HEATR4: variants seen among roughly 807,000 people sequenced by gnomAD.
HEATR4 encodes HEAT repeat containing 4, also known as HEAT repeat-containing protein 4.
In HEATR4, 95 loss-of-function variants were observed where a neutral mutation model predicts 108.8. The ratio of observed to expected loss-of-function variants is 0.87; its 90% confidence interval spans 0.74 to 1.04. The LOEUF is 1.04. Ranked by LOEUF, HEATR4 falls within the 50% of genes least tolerant of loss-of-function variation. The probability of loss-of-function intolerance (pLI) is 0.00; values close to 1 mark genes in which losing one functional copy is unlikely to be tolerated. For missense variants in HEATR4, 1,152 were observed against 1,253.8 expected, an observed-to-expected ratio of 0.92 and a Z score of 1.23; for synonymous variants, 443 against 459.4, an observed-to-expected ratio of 0.96 and a Z score of 0.46.
chr14:73,570,180 A>G, the HEATR4 span, among the ~76,000 whole-genome samples: 1 of 150,866 alleles, frequency 6.6e-6, no homozygotes, highest in Non-Finnish European at 1.5e-5. Flanking sequence ...TCCGGAGGTT[A>G]GTGTAAAGAA....
rs532827399 is a variant in HEATR4 at position 73,503,390 on chromosome 14, G to T, written c.1987-377C>A. Among the ~76,000 whole-genome samples the T allele has an allele frequency of 5.9e-5, 9 of 152,304 alleles. No individual in the cohort carries two copies. In the South Asian group the frequency reaches 1.9e-3, roughly 32 times the overall value. On this transcript the variant is annotated intron_variant, in intron 10 of 17. Transcript: ENST00000553558. The stretch of plus-strand genomic sequence containing the variant: ...GACTAGCTCATTGCAGTTTGCCTGG[G>T]ACTCTCCTGGTTTTGGTCCTGAAAG...
At chr14:73,504,576 G>A (rs1886690615) in intron 10 of HEATR4, among the ~76,000 whole-genome samples, 1 of 152,170 alleles carries the variant, frequency 6.6e-6, no homozygotes, top group Middle Eastern at 3.4e-3. Context: ...CCTAGGTGAC[G>A]CCTGTGCTGC....
chr14:73,601,767 A>G, the HEATR4 span, among the ~76,000 whole-genome samples: 121,257 of 152,064 alleles, frequency 0.8, 49,073 homozygotes, highest in East Asian at 0.95. Flanking sequence ...AATACCAGTT[A>G]TTTCTCTAAT....
In HEATR4 at chr14:73,557,037, C is replaced by A. The variant is rs1174800126; in HGVS notation, c.-152+1714G>T. Among the ~76,000 whole-genome samples, 3 of 113,850 alleles carry A rather than the reference C, an allele frequency of 2.6e-5. 1 individual carries two copies. In the Admixed American group the frequency reaches 3.0e-4, roughly 11 times the overall value. The allele number at this position is 113,850 out of a possible 152,430, so 74.7% of individuals were successfully genotyped here. A position where few individuals can be genotyped will look rare whatever the true frequency, so the allele number is the denominator to read the frequency against. On this transcript the variant is annotated intron_variant, in intron 1 of 17. Coordinates refer to ENST00000553558, the MANE Select transcript of HEATR4 (RefSeq NM_001220484.1). ...GCAGCACCCCACTCCCAACAAATAGCCCTCTAGAACCAAAAGCAGAGTGGC... is the reference window on the plus strand; with the variant it reads ...GCAGCACCCCACTCCCAACAAATAGACCTCTAGAACCAAAAGCAGAGTGGC...
At chr14:73,578,329 A>C in the HEATR4 span, among the ~76,000 whole-genome samples, 1 of 149,716 alleles carries the variant, frequency 6.7e-6, no homozygotes. Context: ...TCCAAGACTC[A>C]AGTGATCCTC....
At chr14:73,598,300 G>A in the HEATR4 span, among the ~76,000 whole-genome samples, 1 of 149,790 alleles carries the variant, frequency 6.7e-6, no homozygotes, top group Non-Finnish European at 1.5e-5. Context: ...CGAGGCAGGA[G>A]AATGGTGTGA....
chr14:73,579,091 GA>G, the HEATR4 span, among the ~76,000 whole-genome samples: 5,161 of 94,086 alleles, frequency 0.055, 166 homozygotes, highest in African/African-American at 0.12. Context: ...TCAAAAAAAA[GA>G]AAAAAAAAAA....
the HEATR4 span, among the ~76,000 whole-genome samples, chr14:73,590,051 T>G: frequency 6.6e-6 from 1 of 152,244 alleles, no homozygotes; most frequent in Non-Finnish European, 1.5e-5. Context: ...CTACCTTTAT[T>G]ACAAAACTAA....
chr14:73,591,040 C>T, the HEATR4 span, among the ~76,000 whole-genome samples: 2 of 152,166 alleles, frequency 1.3e-5, no homozygotes, highest in African/African-American at 4.8e-5. Flanking sequence ...CTCAGGAGTT[C>T]GAGACCAGCC....
intron 2 of HEATR4, among the ~76,000 whole-genome samples, chr14:73,524,310 AATATAT>A (rs58047390): frequency 3.9e-3 from 215 of 54,766 alleles, no homozygotes; most frequent in Non-Finnish European, 6.0e-3. Flanking sequence ...AAAAAAAAAA[AATATAT>A]ATATATATAT....
chr14:73,620,016 G>A, the HEATR4 span: 3 of 646,218 alleles, frequency 4.6e-6, no homozygotes, highest in African/African-American at 3.8e-5. Flanking sequence ...GGTCCAAGCT[G>A]TTCTCCGACC....
At chr14:73,612,969 G>C in the HEATR4 span, 7 of 1,197,404 alleles carry the variant, frequency 5.8e-6, no homozygotes, top group Non-Finnish European at 6.7e-6. Context: ...CTCCGGCCGG[G>C]GGTGCGGCGC....
Position 73,500,594 on chromosome 14 carries a change from C to T in HEATR4, c.2242G>A (p.Ala748Thr). ...FSDDFTAVRRAACLAAGALQI... is the reference protein window; with the variant it reads ...FSDDFTAVRRTACLAAGALQI... ...AGGGCACCAGCTGCCAAACAGGCTG[C>T]CCGCCGAACTGCTGTGAAGTCATCA... The change falls in exon 12 of 18, where the codon GCA (alanine) becomes ACA (threonine). Residue 748 changes from alanine (A) to threonine (T), a missense_variant. Coordinates refer to ENST00000553558, the MANE Select transcript of HEATR4 (RefSeq NM_001220484.1). The T allele has an allele frequency of 6.2e-7, 1 of 1,613,898 alleles. No individual in the cohort carries two copies.
Position 73,506,487 on chromosome 14 carries a change from T to C in HEATR4, c.1966A>G (p.Ile656Val). Residue 656 changes from isoleucine to valine, a missense_variant, in exon 10 of 18, where the codon ATC (isoleucine) becomes GTC (valine). Ile to Val is a conservative substitution (Grantham distance 29, BLOSUM62 3). Transcript: ENST00000553558. ...RIVACQAFSR[I>V]SGNVCLDMKH... ...TTTACCAAGCAGACATTTCCACTGA[T>C]CCGGGAGAAAGCCTGGCAGGCCACA... 1 of 1,613,660 alleles carries C rather than the reference T, an allele frequency of 6.2e-7. No homozygotes were observed. The highest frequency in any genetic ancestry group is 8.5e-7 in the Non-Finnish European group (1 of 1,179,904).
chr14:73,542,587 G>A (rs1445837163), intron 1 of HEATR4, among the ~76,000 whole-genome samples: 3 of 105,848 alleles, frequency 2.8e-5, no homozygotes, highest in Non-Finnish European at 6.0e-5. Flanking sequence ...TGTATTTTTA[G>A]TAGAGACAGG....
rs1396616057 is a variant in HEATR4, at chr14:73,541,314, A to G, written c.-151-11070T>C. 8.1e-5 allele frequency among the ~76,000 whole-genome samples: 9 copies of G among 111,758 alleles called. 1 individual carries two copies. Among genetic ancestry groups the G allele is most frequent in the African/African-American group, 2.4e-4 (8 of 33,030 alleles). The allele number at this position is 111,758 out of a possible 152,430, so 73.3% of individuals were successfully genotyped here. ...GTCTTTGGCTACAATGAATAAAGTC[A>G]CTATAAACACTTGCCAGAAGTTTCT... On this transcript the variant is annotated intron_variant, in intron 1 of 17. Coordinates refer to ENST00000553558, the MANE Select transcript of HEATR4 (RefSeq NM_001220484.1).
chr14:73,597,586 CTTTTCTTT>C, the HEATR4 span, among the ~76,000 whole-genome samples: 2 of 124,370 alleles, frequency 1.6e-5, no homozygotes, highest in Non-Finnish European at 3.5e-5. Context: ...TTTCTTTTTT[CTTTTCTTT>C]TTTTTTTTTT....
chr14:73,566,323 C>A, the HEATR4 span, among the ~76,000 whole-genome samples: 1 of 152,118 alleles, frequency 6.6e-6, no homozygotes, highest in Non-Finnish European at 1.5e-5. Flanking sequence ...CAGTCCCGCA[C>A]CGTGAGCCCA....
chr14:73,518,954 T>TG, intron 5 of HEATR4, 69 bp downstream of exon 5: 2 of 1,480,808 alleles, frequency 1.4e-6, no homozygotes, highest in East Asian at 2.3e-5. Flanking sequence ...ACATGAATAG[T>TG]GGGTAATGAT....
Sources: allele counts gnomAD v4.1 joint callset (sites outside exome capture counted in the v4.1 genomes callset), GRCh38; gene constraint gnomAD v4.1.1; transcripts MANE v1.5; gene names NCBI Gene and HGNC (gene_info 2026-07-23, HGNC 2026-07-21).